NRP2: variants seen among roughly 807,000 people sequenced by gnomAD.
NRP2 encodes the protein neuropilin-2.
In NRP2, 52 loss-of-function variants were observed where a neutral mutation model predicts 110.4. The ratio of observed to expected loss-of-function variants is 0.47; its 90% CI spans 0.38 to 0.59. The LOEUF (loss-of-function observed/expected upper bound fraction) is 0.59. NRP2 is among the 20% of genes least tolerant of loss of function. NRP2 has a pLI of 0.00. For synonymous variants in NRP2, 508 were observed against 468.9 expected (o/e 1.08, Z -1.08); for missense variants, 1,049 against 1,203.0 (o/e 0.87, Z 1.89).
intron 2 of NRP2, among the ~76,000 whole-genome samples, chr2:205,704,333 T>A (rs1490585795): frequency 1.3e-5 from 2 of 152,172 alleles, no homozygotes; most frequent in Non-Finnish European, 1.5e-5. Context: ...TTCAAGAGGG[T>A]GCCTTGTGCT....
At chr2:205,767,770 GCA>G (rs2057950553) in intron 15 of NRP2, 1 of 175,348 alleles carries the variant, frequency 5.7e-6, no homozygotes, top group Non-Finnish European at 1.2e-5. Flanking sequence ...GAGTGTAAAA[GCA>G]CACACAAAAA....
At chr2:205,794,292 A>G (rs1284084396) in intron 16 of NRP2, among the ~76,000 whole-genome samples, 1 of 151,948 alleles carries the variant, frequency 6.6e-6, no homozygotes, top group Non-Finnish European at 1.5e-5. Flanking sequence ...TTGTATTTTT[A>G]GTAGAGACGG....
Position 205,795,171 on chromosome 2 carries a change from A to G in NRP2, c.*113A>G. On this transcript the variant is annotated 3_prime_UTR_variant, in exon 17 of 17. Transcript: ENST00000357785. ...GCCATAATCTCGATCAAACCGATCC[A>G]GAATACCGAAGGTATGGACAGGACA... 1 of 1,065,880 alleles carries G rather than the reference A, an allele frequency of 9.4e-7. No individual in the cohort carries two copies. Among genetic ancestry groups the G allele is most frequent in the Admixed American group, 2.0e-5 (1 of 50,420 alleles). 66.0% of individuals were successfully genotyped at this position (1,065,880 alleles called of 1,614,324 possible). A position where few individuals can be genotyped will look rare whatever the true frequency, so the allele number is the denominator to read the frequency against.
At chr2:205,743,715 G>A (rs2057487268) in intron 9 of NRP2, 163 bp downstream of exon 9, 3 of 1,353,474 alleles carry the variant, frequency 2.2e-6, no homozygotes, top group Non-Finnish European at 2.9e-6. Context: ...GCCAGGCACT[G>A]TGCTAAATAC....
At chr2:205,765,699 C>CAAGGTAAGG (rs781007971) in intron 14 of NRP2, 129 bp downstream of exon 14, 56 of 825,292 alleles carry the variant, frequency 6.8e-5, no homozygotes, top group Non-Finnish European at 1.1e-4. Flanking sequence ...ACAGTCTCTG[C>CAAGGTAAGG]AAGGTAAGGT....
chr2:205,686,454 T>G lies in NRP2; in HGVS notation c.73+3091T>G, dbSNP rs1224269700. Among the ~76,000 whole-genome samples the G allele has an allele frequency of 6.6e-6, 1 of 152,222 alleles. No individual in the cohort carries two copies. The highest frequency in any genetic ancestry group is 1.9e-4 in the East Asian group (1 of 5,188). ...TGCTTCATTTTCACTGATTGATTTC[T>G]TTTTAATATCAACACAAGTTAATGG... is the stretch of plus-strand genomic sequence containing the variant. On this transcript the variant is annotated intron_variant, in intron 1 of 16. Transcript: ENST00000357785. The surrounding 1 kb of genome is among the most constrained non-coding windows in gnomAD (Gnocchi z 4.7).
intron 11 of NRP2, chr2:205,752,449 T>C: frequency 3.1e-6 from 1 of 319,478 alleles, no homozygotes; most frequent in Non-Finnish European, 6.0e-6. Context: ...GATGAGATAA[T>C]ACTTTTTTTG....
intron 15 of NRP2, among the ~76,000 whole-genome samples, chr2:205,790,454 G>T (rs2058286684): frequency 6.6e-6 from 1 of 152,082 alleles, no homozygotes; most frequent in African/African-American, 2.4e-5. Flanking sequence ...CACATCCTTG[G>T]CAGAAACAAG....
At chr2:205,737,187 G>A (rs936662434) in intron 7 of NRP2, among the ~76,000 whole-genome samples, 2 of 152,194 alleles carry the variant, frequency 1.3e-5, no homozygotes, top group Admixed American at 6.5e-5. Flanking sequence ...TGTGAATGGG[G>A]CACTCCCCAT....
Position 205,763,840 on chromosome 2 carries a change from C to A in NRP2, c.2211C>A (p.Ser737Arg). ...GVALQVVREA[S>R]QESKLLWVIR... ...CGCTGCAGGTGGTGCGGGAAGCCAG[C>A]CAGGAGAGCAAGTTGCTGTGGGTCA... is the stretch of plus-strand genomic sequence containing the variant. The change falls in exon 13 of 17, where the codon AGC (serine) becomes AGA (arginine). Residue 737 changes from serine (S) to arginine (R), a missense_variant. Physicochemically the swap from Ser to Arg is moderately radical, Grantham distance 110. Transcript: ENST00000357785. The surrounding 1 kb of genome is among the most constrained non-coding windows in gnomAD (Gnocchi z 4.0). 1.2e-6 allele frequency: 2 copies of A among 1,614,108 alleles called. No individual in the cohort carries two copies. The highest frequency in any genetic ancestry group is 1.7e-6 in the Non-Finnish European group (2 of 1,180,006).
In NRP2 at chr2:205,740,601, G is replaced by A. The variant is rs754803505; in HGVS notation, c.1229G>A (p.Arg410His). 8 of 1,614,202 alleles carry A rather than the reference G, an allele frequency of 5.0e-6. No individual in the cohort carries two copies. The highest frequency in any genetic ancestry group is 4.5e-5 in the East Asian group (2 of 44,878). Residue 410 changes from arginine (R) to histidine (H), a missense_variant, in exon 8 of 17, where the codon CGC (arginine) becomes CAC (histidine). Coordinates refer to ENST00000357785, the MANE Select transcript of NRP2 (RefSeq NM_003872.3). ...APLLTRFVRIRPQTWHSGIAL... is the reference protein window; with the variant it reads ...APLLTRFVRIHPQTWHSGIAL... ...CTGCTGACAAGGTTTGTTAGAATCC[G>A]CCCTCAGACCTGGCACTCAGGTATC...
Position 205,727,908 on chromosome 2 carries a change from A to G in NRP2, c.1008A>G (p.Leu336=), listed in dbSNP as rs2057159916. 6.2e-7 allele frequency: 1 copy of G among 1,613,678 alleles called. No individual in the cohort carries two copies. The highest frequency in any genetic ancestry group is 8.5e-7 in the Non-Finnish European group (1 of 1,179,910). The change falls in exon 7 of 17, where the codon TTA becomes TTG. Residue 336 remains leucine (L), a synonymous_variant. Coordinates refer to ENST00000357785, the MANE Select transcript of NRP2 (RefSeq NM_003872.3). Reference sequence around the variant, plus strand: ...TTCCCCAGGTGGACCTGCGCTTTTTAACCATGCTCACGGCCATCGCAACAC... The same window carrying G: ...TTCCCCAGGTGGACCTGCGCTTTTTGACCATGCTCACGGCCATCGCAACAC... The part of the protein sequence containing the change: ...KEYLQVDLRF[L]TMLTAIATQG...
intron 11 of NRP2, among the ~76,000 whole-genome samples, chr2:205,750,894 G>T (rs1575626975): frequency 2.0e-5 from 3 of 152,140 alleles, no homozygotes; most frequent in African/African-American, 7.2e-5. Flanking sequence ...AAAGAAGAAT[G>T]GGAGGAAAGC....
At position 205,696,592 on chromosome 2, in the gene NRP2, C is replaced by T. The variant is rs896542216; in HGVS notation, c.74-952C>T. Among the ~76,000 whole-genome samples, 7 of 152,332 alleles carry T rather than the reference C, an allele frequency of 4.6e-5. No homozygotes were observed. The East Asian group carries it at 9.6e-4, about 21-fold the overall frequency. The stretch of plus-strand genomic sequence containing the variant: ...AGATGAGATTCCTCAAATGTCATCA[C>T]CCACCTTTGGAGCCTTTGAAGGTGG... On this transcript the variant is annotated intron_variant, in intron 1 of 16. Coordinates refer to ENST00000357785, the MANE Select transcript of NRP2 (RefSeq NM_003872.3).
At chr2:205,709,614 A>G (rs867196502) in intron 2 of NRP2, among the ~76,000 whole-genome samples, 1 of 152,256 alleles carries the variant, frequency 6.6e-6, no homozygotes, top group Non-Finnish European at 1.5e-5. Context: ...TTCCCAGGTT[A>G]CACAACACCC....
intron 7 of NRP2, among the ~76,000 whole-genome samples, chr2:205,731,544 C>CG: frequency 6.6e-6 from 1 of 152,260 alleles, no homozygotes; most frequent in African/African-American, 2.4e-5. Context: ...TGACAGGACA[C>CG]GGGGGAGAGA....
Position 205,795,142 on chromosome 2 carries a change from G to A in NRP2, c.*84G>A. ...TACATTTTTTTTTCCTTTGGAAACT[G>A]AATGCCATAATCTCGATCAAACCGA... On this transcript the variant is annotated 3_prime_UTR_variant, in exon 17 of 17. Coordinates refer to ENST00000357785, the MANE Select transcript of NRP2 (RefSeq NM_003872.3). 1 of 1,297,904 alleles carries A rather than the reference G, an allele frequency of 7.7e-7. No individual in the cohort carries two copies. Among genetic ancestry groups the A allele is most frequent in the Non-Finnish European group, 1.1e-6 (1 of 918,074 alleles). 80.4% of individuals were successfully genotyped at this position (1,297,904 alleles called of 1,614,324 possible).
At chr2:205,786,802 G>A (rs1413497079) in intron 15 of NRP2, among the ~76,000 whole-genome samples, 1 of 152,178 alleles carries the variant, frequency 6.6e-6, no homozygotes, top group East Asian at 1.9e-4. Context: ...CAATTAGCAG[G>A]ACTAAGTCCT....
chr2:205,687,391 C>T (rs2056196706), intron 1 of NRP2, among the ~76,000 whole-genome samples: 1 of 151,940 alleles, frequency 6.6e-6, no homozygotes, highest in Admixed American at 6.6e-5. Flanking sequence ...CTGCTCTGGG[C>T]TCTAGGGATT....
Sources: gnomAD v4.1 joint callset for allele counts (sites outside exome capture counted in the v4.1 genomes callset) on GRCh38, gnomAD v4.1.1 for gene constraint, Gnocchi (gnomAD v3.1) non-coding constraint, MANE v1.5 for transcripts, NCBI Gene and HGNC (gene_info 2026-07-23, HGNC 2026-07-21) for gene names.